ACAP2: variants seen among roughly 807,000 people sequenced by gnomAD.
The protein encoded by ACAP2 is arf-GAP with coiled-coil, ANK repeat and PH domain-containing protein 2.
A neutral mutation model predicts 115.8 loss-of-function variants in ACAP2; 39 were observed. The observed-to-expected ratio is 0.34, with a 90% CI of 0.26 to 0.44. The LOEUF is 0.44. Ranked by LOEUF, ACAP2 falls within the 20% of genes least tolerant of loss-of-function variation. The probability of loss-of-function intolerance (pLI) is 1.00; values close to 1 mark genes in which losing one functional copy is unlikely to be tolerated. For missense variants in ACAP2, 662 were observed against 927.6 expected, an observed-to-expected ratio of 0.71 and a Z score of 3.72; for synonymous variants, 289 against 315.8, an observed-to-expected ratio of 0.92 and a Z score of 0.90.
Position 195,404,850 on chromosome 3 carries a change from T to G in ACAP2, c.54-12703A>C, listed in dbSNP as rs1315668414. Among the ~76,000 whole-genome samples the G allele has an allele frequency of 8.7e-5, 13 of 150,028 alleles. No individual in the cohort carries two copies. In the East Asian group the frequency reaches 2.5e-3, roughly 29 times the overall value. ...TCTTGCTCTGTCGCCCAGGCTGGAG[T>G]GCAATGGCACAATCTCAGCTCACTG... On this transcript the variant is annotated intron_variant, in intron 1 of 22. Transcript: ENST00000326793.
intron 1 of ACAP2, among the ~76,000 whole-genome samples, chr3:195,413,132 T>C (rs1252337881): frequency 6.6e-6 from 1 of 152,226 alleles, no homozygotes; most frequent in Non-Finnish European, 1.5e-5. Context: ...ATTTAAACTT[T>C]GTTCCTTTTG....
chr3:195,392,282 G>A, intron 1 of ACAP2, 135 bp from the exon 2 acceptor site: 1 of 670,400 alleles, frequency 1.5e-6, no homozygotes, highest in Admixed American at 2.9e-5. Context: ...AATTACCTTG[G>A]AATTTAGTAT....
At chr3:195,312,224 G>A (rs368962284) in intron 10 of ACAP2, among the ~76,000 whole-genome samples, 1 of 152,002 alleles carries the variant, frequency 6.6e-6, no homozygotes, top group Non-Finnish European at 1.5e-5. Context: ...ACACATTCAT[G>A]TAAGTGCCAA....
At chr3:195,365,892 G>T (rs150128742) in intron 4 of ACAP2, among the ~76,000 whole-genome samples, 65 of 149,368 alleles carry the variant, frequency 4.4e-4, no homozygotes, top group African/African-American at 1.6e-3. Flanking sequence ...CTAAGCTGGA[G>T]TGTAGGTGGC....
At chr3:195,320,206 T>A (rs1350936199) in intron 10 of ACAP2, among the ~76,000 whole-genome samples, 1 of 152,094 alleles carries the variant, frequency 6.6e-6, no homozygotes, top group Non-Finnish European at 1.5e-5. Context: ...AATTACCCAG[T>A]CTCAGGTAGT....
chr3:195,295,160 C>A, intron 17 of ACAP2: 1 of 1,192,190 alleles, frequency 8.4e-7, no homozygotes, highest in Non-Finnish European at 1.1e-6. Flanking sequence ...TGACCACTGG[C>A]ACAGACTTGG....
intron 8 of ACAP2, among the ~76,000 whole-genome samples, chr3:195,328,811 G>A (rs1489206639): frequency 2.0e-5 from 3 of 152,168 alleles, no homozygotes; most frequent in African/African-American, 4.8e-5. Flanking sequence ...TGGGCGTGGC[G>A]GCTCACGCCT....
intron 10 of ACAP2, among the ~76,000 whole-genome samples, chr3:195,311,536 G>GT (rs1269703079): frequency 6.6e-5 from 10 of 152,024 alleles, no homozygotes. Flanking sequence ...TTTCTGTTTT[G>GT]TTTTTTGTTT....
At chr3:195,378,179 T>C (rs1733693164) in intron 4 of ACAP2, among the ~76,000 whole-genome samples, 1 of 151,296 alleles carries the variant, frequency 6.6e-6, no homozygotes, top group East Asian at 2.0e-4. Context: ...CACATTAAGA[T>C]TAAGAGCACT....
At chr3:195,314,803 CTT>C (rs1560233600) in intron 10 of ACAP2, among the ~76,000 whole-genome samples, 1 of 152,184 alleles carries the variant, frequency 6.6e-6, no homozygotes, top group East Asian at 1.9e-4. Context: ...TAAACACAGT[CTT>C]TTACTCAAAG....
rs1726224257 is a variant in ACAP2, at chr3:195,277,508, T to C, written c.*1820A>G. On this transcript the variant is annotated 3_prime_UTR_variant, in exon 23 of 23. Coordinates refer to ENST00000326793, the MANE Select transcript of ACAP2 (RefSeq NM_012287.6). ...CTAACATACAGTGACCATTACTAAA[T>C]AAGCATTACATGCATGCAGTTTGGC... 6.6e-6 allele frequency: 1 copy of C among 152,230 alleles called. No homozygotes were observed. 9.4% of individuals were successfully genotyped at this position (152,230 alleles called of 1,614,324 possible). A position where few individuals can be genotyped will look rare whatever the true frequency, so the allele number is the denominator to read the frequency against.
At chr3:195,311,729 G>C (rs1183034106) in intron 10 of ACAP2, among the ~76,000 whole-genome samples, 4 of 151,664 alleles carry the variant, frequency 2.6e-5, no homozygotes, top group Non-Finnish European at 4.4e-5. Context: ...TAGAGACGGG[G>C]TTTCGCCATG....
rs75605477 is a variant in ACAP2 at position 195,289,642 on chromosome 3, T to TA, written c.2064-412dup. 5.6e-3 allele frequency among the ~76,000 whole-genome samples: 788 copies of TA among 140,724 alleles called. 4 individuals carry two copies. Among genetic ancestry groups the TA allele is most frequent in the African/African-American group, 0.016 (630 of 38,336 alleles). 92.3% of individuals were successfully genotyped at this position (140,724 alleles called of 152,430 possible). A position where few individuals can be genotyped will look rare whatever the true frequency, so the allele number is the denominator to read the frequency against. ...GGTGAAACCCCGTCTCTACTAAAAT[T>TA]AAAAAAAAAAAAACATAGCCGGGTG... On this transcript the variant is annotated intron_variant, in intron 20 of 22. Transcript: ENST00000326793.
rs1192922511 is a variant in ACAP2 at position 195,279,088 on chromosome 3, TGTCTACAGAA to T, written c.*230_*239del. The T allele has an allele frequency of 4.6e-5, 15 of 329,494 alleles. No homozygotes were observed. Among genetic ancestry groups the T allele is most frequent in the African/African-American group, 3.3e-4 (15 of 46,116 alleles). The allele number at this position is 329,494 out of a possible 1,614,324, so 20.4% of individuals were successfully genotyped here. A position where few individuals can be genotyped will look rare whatever the true frequency, so the allele number is the denominator to read the frequency against. On this transcript the variant is annotated 3_prime_UTR_variant, in exon 23 of 23. Coordinates refer to ENST00000326793, the MANE Select transcript of ACAP2 (RefSeq NM_012287.6). ...ATGGCCTAAATCTAGACTGAACTTCTGTCTACAGAAATAGCCCTTTAAATAGGCTTTTTTA... is the reference window on the plus strand; with the variant it reads ...ATGGCCTAAATCTAGACTGAACTTCTATAGCCCTTTAAATAGGCTTTTTTA...
At chr3:195,325,115 A>G (rs868418378) in intron 9 of ACAP2, among the ~76,000 whole-genome samples, 1 of 152,118 alleles carries the variant, frequency 6.6e-6, no homozygotes, top group Admixed American at 6.6e-5. Flanking sequence ...TGAAAGTCTC[A>G]TAATATAATG....
chr3:195,412,799 T>C (rs917408040), intron 1 of ACAP2: 1 of 424,438 alleles, frequency 2.4e-6, no homozygotes, highest in Non-Finnish European at 4.8e-6. Context: ...TAGTAGAGTA[T>C]AAGTTGTGTT....
chr3:195,313,454 T>C (rs897435399), intron 10 of ACAP2, among the ~76,000 whole-genome samples: 2 of 152,202 alleles, frequency 1.3e-5, no homozygotes, highest in Non-Finnish European at 2.9e-5. Flanking sequence ...GTTCACTAAA[T>C]AGAGGATGTC....
At chr3:195,412,449 T>C (rs1464655488) in intron 1 of ACAP2, among the ~76,000 whole-genome samples, 1 of 149,094 alleles carries the variant, frequency 6.7e-6, no homozygotes, top group Admixed American at 6.7e-5. Context: ...TAAAATAAAA[T>C]AAAAATACAA....
At chr3:195,292,844 C>G (rs966795997) in intron 18 of ACAP2, among the ~76,000 whole-genome samples, 2 of 142,948 alleles carry the variant, frequency 1.4e-5, no homozygotes, top group Admixed American at 7.4e-5. Flanking sequence ...ATCACTTGAA[C>G]CCGGGAGGCA....
Sources: allele counts gnomAD v4.1 joint callset (sites outside exome capture counted in the v4.1 genomes callset), GRCh38; gene constraint gnomAD v4.1.1; transcripts MANE v1.5; gene names NCBI Gene and HGNC (gene_info 2026-07-23, HGNC 2026-07-21).